The following PGAP1 variants were observed in gnomAD, a reference collection of about 807,000 sequenced individuals.
PGAP1 encodes GPI inositol-deacylase.
Under a neutral mutation model 127.0 loss-of-function variants are expected in PGAP1, and 76 were observed. The ratio of observed to expected loss-of-function variants is 0.60; its 90% confidence interval spans 0.50 to 0.72. PGAP1 has a LOEUF of 0.72. Ranked by LOEUF, PGAP1 falls within the 30% of genes least tolerant of loss-of-function variation. The pLI is 0.00. For synonymous variants in PGAP1, 362 were observed against 366.5 expected, an observed-to-expected ratio of 0.99 and a Z score of 0.14; for missense variants, 982 against 1,071.3, an observed-to-expected ratio of 0.92 and a Z score of 1.16.
intron 13 of PGAP1, among the ~76,000 whole-genome samples, chr2:196,878,390 CAT>C (rs1431403150): frequency 6.6e-6 from 1 of 152,170 alleles, no homozygotes; most frequent in Non-Finnish European, 1.5e-5. Context: ...CATCTCACCA[CAT>C]GAGGTCAGGG....
rs1700267532 is a variant in PGAP1, at chr2:196,837,399, G to C, written c.*3835C>G. 1 of 152,204 alleles carries C rather than the reference G, an allele frequency of 6.6e-6. No homozygotes were observed. Among genetic ancestry groups the C allele is most frequent in the African/African-American group, 2.4e-5 (1 of 41,424 alleles). The allele number at this position is 152,204 out of a possible 1,614,324, so 9.4% of individuals were successfully genotyped here. A position where few individuals can be genotyped will look rare whatever the true frequency, so the allele number is the denominator to read the frequency against. On this transcript the variant is annotated 3_prime_UTR_variant, in exon 27 of 27. Transcript: ENST00000354764. ...TCCCACTACTTTGGGAGGCCGAGGTGGGAGGATCGCTTGAAACCAGGAGTT... is the reference window on the plus strand; with the variant it reads ...TCCCACTACTTTGGGAGGCCGAGGTCGGAGGATCGCTTGAAACCAGGAGTT...
chr2:196,919,778 C>T (rs997866222), intron 2 of PGAP1, among the ~76,000 whole-genome samples: 1 of 152,126 alleles, frequency 6.6e-6, no homozygotes, highest in Non-Finnish European at 1.5e-5. Context: ...ATTCTTTGTA[C>T]CCCTCTCTTT....
In PGAP1 at chr2:196,838,210, C is replaced by T. The variant is rs75527849; in HGVS notation, c.*3024G>A. 5.3e-5 allele frequency: 8 copies of T among 152,236 alleles called. 1 individual carries two copies. The East Asian group carries it at 1.3e-3, about 26-fold the overall frequency. The allele number at this position is 152,236 out of a possible 1,614,324, so 9.4% of individuals were successfully genotyped here. On this transcript the variant is annotated 3_prime_UTR_variant, in exon 27 of 27. Coordinates refer to ENST00000354764, the MANE Select transcript of PGAP1 (RefSeq NM_024989.4). ...AACAATAGGGTCTAGGAGTTAAGCA[C>T]AAAACTTACTCATAACTCAATTGCT...
In PGAP1 at chr2:196,834,896, C is replaced by A. The variant is rs1700197428; in HGVS notation, c.*6338G>T. ...TCTTTTTACTAATAACACCTATGGTCCCCATTAGAATAAACTGTCACTAAA... is the reference window on the plus strand; with the variant it reads ...TCTTTTTACTAATAACACCTATGGTACCCATTAGAATAAACTGTCACTAAA... On this transcript the variant is annotated 3_prime_UTR_variant, in exon 27 of 27. Coordinates refer to ENST00000354764, the MANE Select transcript of PGAP1 (RefSeq NM_024989.4). 1 of 151,964 alleles carries A rather than the reference C, an allele frequency of 6.6e-6. No homozygotes were observed. Among genetic ancestry groups the A allele is most frequent in the South Asian group, 2.1e-4 (1 of 4,824 alleles). The allele number at this position is 151,964 out of a possible 1,614,324, so 9.4% of individuals were successfully genotyped here.
At chr2:196,863,204 A>G (rs2125791501) in intron 20 of PGAP1, among the ~76,000 whole-genome samples, 1 of 152,306 alleles carries the variant, frequency 6.6e-6, no homozygotes, top group South Asian at 2.1e-4. Flanking sequence ...TGACCCAGCA[A>G]TCTTACTGCT....
chr2:196,919,942 C>T, intron 2 of PGAP1, 55 bp downstream of exon 2: 1 of 1,539,306 alleles, frequency 6.5e-7, no homozygotes. Flanking sequence ...GGATATGATT[C>T]AAATTCTTGA....
intron 4 of PGAP1, among the ~76,000 whole-genome samples, chr2:196,903,008 T>C (rs1346101303): frequency 6.6e-6 from 1 of 152,102 alleles, no homozygotes; most frequent in Non-Finnish European, 1.5e-5. Context: ...TTTGGATCCA[T>C]AAGCAAACAC....
At chr2:196,900,926 CAAAAAAAAAGA>C (rs1172031481) in intron 5 of PGAP1, among the ~76,000 whole-genome samples, 3 of 142,270 alleles carry the variant, frequency 2.1e-5, no homozygotes, top group Non-Finnish European at 4.6e-5. Flanking sequence ...GACTCCGTCT[CAAAAAAAAAGA>C]AAAAAAAAGA....
At chr2:196,925,170 A>G (rs553053910) in intron 1 of PGAP1, among the ~76,000 whole-genome samples, 7 of 152,314 alleles carry the variant, frequency 4.6e-5, no homozygotes, top group Non-Finnish European at 1.0e-4. Context: ...ATAAATGCAA[A>G]ACCAAGGTAA....
intron 13 of PGAP1, among the ~76,000 whole-genome samples, chr2:196,876,228 ATT>A (rs1303660735): frequency 6.6e-6 from 1 of 152,004 alleles, no homozygotes; most frequent in Non-Finnish European, 1.5e-5. Context: ...GGAAAATGTG[ATT>A]TTGTTTTATA....
chr2:196,926,620 G>GCCGCCACCA lies in PGAP1; in HGVS notation c.-13_-5dup. The GCCGCCACCA allele has an allele frequency of 6.2e-7, 1 of 1,613,860 alleles. No individual in the cohort carries two copies. The highest frequency in any genetic ancestry group is 8.5e-7 in the Non-Finnish European group (1 of 1,179,840). ...GATTAACTGAGTGAAGAAACATGGT[G>GCCGCCACCA]CCGCCACCACCGCCGCCGCCGCCGC... On this transcript the variant is annotated 5_prime_UTR_variant, in exon 1 of 27. Coordinates refer to ENST00000354764, the MANE Select transcript of PGAP1 (RefSeq NM_024989.4).
At chr2:196,896,347 G>A (rs1702268574) in intron 7 of PGAP1, among the ~76,000 whole-genome samples, 1 of 151,984 alleles carries the variant, frequency 6.6e-6, no homozygotes, top group Non-Finnish European at 1.5e-5. Flanking sequence ...TTTTAAAAAA[G>A]CATGGTTCAA....
intron 22 of PGAP1, 128 bp from the exon 23 acceptor site, chr2:196,846,145 A>C (rs1438712177): frequency 8.2e-6 from 4 of 489,120 alleles, no homozygotes; most frequent in Admixed American, 4.1e-5. Context: ...GGTAAACAAC[A>C]AGGTATTTTT....
intron 10 of PGAP1, among the ~76,000 whole-genome samples, chr2:196,890,323 T>C (rs1159867100): frequency 6.6e-6 from 1 of 152,138 alleles, no homozygotes; most frequent in African/African-American, 2.4e-5. Context: ...TAGGTACTCA[T>C]TAAAAAGAAA....
intron 4 of PGAP1, among the ~76,000 whole-genome samples, chr2:196,904,888 T>C (rs1208150087): frequency 6.6e-6 from 1 of 152,292 alleles, no homozygotes; most frequent in Non-Finnish European, 1.5e-5. Flanking sequence ...CAGAGCCCAG[T>C]GCAGGGCCTC....
At chr2:196,851,668 G>A (rs1254085242) in intron 20 of PGAP1, among the ~76,000 whole-genome samples, 1 of 152,114 alleles carries the variant, frequency 6.6e-6, no homozygotes, top group Non-Finnish European at 1.5e-5. Context: ...GAACTGGTGT[G>A]CAGTACTCAT....
intron 1 of PGAP1, chr2:196,922,145 C>A: frequency 7.7e-7 from 1 of 1,293,952 alleles, no homozygotes; most frequent in Admixed American, 2.4e-5. Flanking sequence ...CCTCTGCTGT[C>A]CTCCTTCCTT....
rs1477388653 is a variant in PGAP1 at position 196,834,488 on chromosome 2, G to A, written c.*6746C>T. The A allele has an allele frequency of 2.0e-5, 3 of 152,400 alleles. No homozygotes were observed. The highest frequency in any genetic ancestry group is 4.8e-5 in the African/African-American group (2 of 41,420). The allele number at this position is 152,400 out of a possible 1,614,324, so 9.4% of individuals were successfully genotyped here. On this transcript the variant is annotated 3_prime_UTR_variant, in exon 27 of 27. Coordinates refer to ENST00000354764, the MANE Select transcript of PGAP1 (RefSeq NM_024989.4). ...TCTGTTTTATCCCAAATGACTATAAGTTCAAGGTCACAGTGATGATATATA... is the reference window on the plus strand; with the variant it reads ...TCTGTTTTATCCCAAATGACTATAAATTCAAGGTCACAGTGATGATATATA...
At chr2:196,861,487 A>G (rs750919005) in intron 20 of PGAP1, among the ~76,000 whole-genome samples, 1 of 152,130 alleles carries the variant, frequency 6.6e-6, no homozygotes, top group African/African-American at 2.4e-5. Flanking sequence ...ACAAACAAAT[A>G]CTCTAATTTT....
Sources: allele counts gnomAD v4.1 joint callset (sites outside exome capture counted in the v4.1 genomes callset), GRCh38; gene constraint gnomAD v4.1.1; transcripts MANE v1.5; gene names NCBI Gene and HGNC (gene_info 2026-07-23, HGNC 2026-07-21).